The following PPP1R1C variants were observed in gnomAD, a reference collection of about 807,000 sequenced individuals.
PPP1R1C encodes protein phosphatase 1 regulatory inhibitor subunit 1C.
A neutral mutation model predicts 17.4 loss-of-function variants in PPP1R1C; 15 were observed. The ratio of observed to expected loss-of-function variants is 0.86; its 90% CI spans 0.58 to 1.33. PPP1R1C has a LOEUF of 1.33. Ranked by LOEUF, PPP1R1C falls within the 40% of genes most tolerant of loss-of-function variation. PPP1R1C has a pLI of 0.00. For missense variants in PPP1R1C, 143 were observed against 130.0 expected (o/e 1.10, Z -0.48); for synonymous variants, 35 against 43.1 (o/e 0.81, Z 0.73).
At chr2:182,072,111 T>G (rs1366503917) in intron 4 of PPP1R1C, among the ~76,000 whole-genome samples, 1 of 152,210 alleles carries the variant, frequency 6.6e-6, no homozygotes, top group Non-Finnish European at 1.5e-5. Flanking sequence ...CGTCCATTAA[T>G]GTAGGCGCTA....
upstream of PPP1R1C, among the ~76,000 whole-genome samples, chr2:181,981,285 T>C (rs1254392893): frequency 2.6e-5 from 4 of 152,330 alleles, no homozygotes; most frequent in Admixed American, 1.3e-4. Flanking sequence ...GAATGAATCA[T>C]TGATGTTTGC....
chr2:181,999,850 G>A (rs953709763), intron 2 of PPP1R1C, among the ~76,000 whole-genome samples: 29 of 151,152 alleles, frequency 1.9e-4, no homozygotes, highest in Non-Finnish European at 4.0e-4. Flanking sequence ...GATGAACCCC[G>A]TTTTTTATTC....
intron 1 of PPP1R1C, among the ~76,000 whole-genome samples, chr2:181,969,664 A>G (rs1227680274): frequency 6.6e-6 from 1 of 152,002 alleles, no homozygotes; most frequent in Non-Finnish European, 1.5e-5. Context: ...AGTTTTGGGA[A>G]ATTTTCTGTT....
In PPP1R1C at chr2:181,962,281, C is replaced by T. The variant is rs1684812973; in HGVS notation, n.111+7647C>T. On this transcript the variant is annotated intron_variant and non_coding_transcript_variant, in intron 1 of 5. Transcript: ENST00000464264. The surrounding 1 kb of genome is among the most constrained non-coding windows in gnomAD (Gnocchi z 6.0). Reference sequence around the variant, plus strand: ...CCATTCCTGCCAGACCCCCGGCCATCCCCGCGGCCAGGTCCCCGGACCCCA... The same window carrying T: ...CCATTCCTGCCAGACCCCCGGCCATTCCCGCGGCCAGGTCCCCGGACCCCA... The T allele has an allele frequency of 5.4e-6, 4 of 742,680 alleles. No individual in the cohort carries two copies. Among genetic ancestry groups the T allele is most frequent in the Admixed American group, 4.0e-5 (2 of 50,432 alleles). 46.0% of individuals were successfully genotyped at this position (742,680 alleles called of 1,614,324 possible).
chr2:182,066,523 C>T (rs190422096), intron 4 of PPP1R1C, among the ~76,000 whole-genome samples: 1 of 152,158 alleles, frequency 6.6e-6, no homozygotes, highest in African/African-American at 2.4e-5. Flanking sequence ...ATCATTAAAC[C>T]ATTTATCAAA....
At chr2:182,001,883 C>T (rs1399497701) in intron 2 of PPP1R1C, among the ~76,000 whole-genome samples, 1 of 152,072 alleles carries the variant, frequency 6.6e-6, no homozygotes, top group Non-Finnish European at 1.5e-5. Context: ...TCACCTTATA[C>T]ACAAGGAATC....
chr2:182,107,638 T>A (rs532536107), intron 4 of PPP1R1C, among the ~76,000 whole-genome samples: 1 of 152,270 alleles, frequency 6.6e-6, no homozygotes, highest in South Asian at 2.1e-4. Flanking sequence ...GAACCTCTGA[T>A]GGGCACTTAG....
At chr2:182,092,831 C>A (rs1688821383) in intron 4 of PPP1R1C, among the ~76,000 whole-genome samples, 1 of 152,188 alleles carries the variant, frequency 6.6e-6, no homozygotes, top group Non-Finnish European at 1.5e-5. Context: ...AGCTCTATCC[C>A]TGTGGCTTTG....
At chr2:182,036,028 C>G (rs556577050) in intron 2 of PPP1R1C, among the ~76,000 whole-genome samples, 3 of 152,206 alleles carry the variant, frequency 2.0e-5, no homozygotes, top group Admixed American at 2.0e-4. Context: ...TTTCCACATA[C>G]AGGGATTGTG....
At chr2:181,974,375 C>G (rs1251568539) in intron 1 of PPP1R1C, among the ~76,000 whole-genome samples, 1 of 152,096 alleles carries the variant, frequency 6.6e-6, no homozygotes, top group Non-Finnish European at 1.5e-5. Context: ...ATGAATTGAA[C>G]AGAAGATGCT....
intron 4 of PPP1R1C, among the ~76,000 whole-genome samples, chr2:182,104,617 A>G (rs1158088413): frequency 6.6e-6 from 1 of 152,160 alleles, no homozygotes; most frequent in African/African-American, 2.4e-5. Flanking sequence ...GTGATTTACT[A>G]GTATTTAGGA....
intron 1 of PPP1R1C, among the ~76,000 whole-genome samples, chr2:181,959,294 T>C (rs1048274140): frequency 1.3e-5 from 2 of 152,232 alleles, no homozygotes; most frequent in African/African-American, 2.4e-5. Context: ...AAATAACTAC[T>C]CTCCCCACAC....
intron 4 of PPP1R1C, among the ~76,000 whole-genome samples, chr2:182,116,128 A>G (rs972101295): frequency 6.6e-6 from 1 of 152,194 alleles, no homozygotes; most frequent in Non-Finnish European, 1.5e-5. Context: ...TTTGAAAAAA[A>G]TCTAAAGATA....
chr2:182,063,823 G>A (rs761305512), intron 4 of PPP1R1C, 32 bp downstream of exon 4: 2 of 1,573,334 alleles, frequency 1.3e-6, no homozygotes, highest in South Asian at 2.2e-5. Flanking sequence ...GGGTTGTCAT[G>A]AGTGGTGAAT....
chr2:182,010,691 A>G (rs1686064213), intron 2 of PPP1R1C, among the ~76,000 whole-genome samples: 1 of 151,892 alleles, frequency 6.6e-6, no homozygotes, highest in Admixed American at 6.6e-5. Context: ...GGTCGGCCTT[A>G]TTGTGTTTTA....
intron 2 of PPP1R1C, among the ~76,000 whole-genome samples, chr2:181,979,376 C>T (rs998789929): frequency 1.3e-5 from 2 of 152,180 alleles, no homozygotes; most frequent in Non-Finnish European, 2.9e-5. Context: ...ACTGCTATTA[C>T]TTTATTTGAG....
chr2:182,114,818 AG>A (rs1362673105), intron 4 of PPP1R1C, among the ~76,000 whole-genome samples: 5 of 152,170 alleles, frequency 3.3e-5, no homozygotes, highest in African/African-American at 1.2e-4. Flanking sequence ...ACTTTGAAAA[AG>A]GTTTGGCTTT....
At chr2:182,093,712 G>T (rs943052376) in intron 4 of PPP1R1C, among the ~76,000 whole-genome samples, 1 of 152,132 alleles carries the variant, frequency 6.6e-6, no homozygotes, top group African/African-American at 2.4e-5. Flanking sequence ...AAAGCAAAAT[G>T]CCACCAGTCC....
chr2:182,069,977 G>A (rs542494229), intron 4 of PPP1R1C, among the ~76,000 whole-genome samples: 2 of 152,304 alleles, frequency 1.3e-5, no homozygotes, highest in South Asian at 4.1e-4. Flanking sequence ...ATTAAAGTGG[G>A]GTGGATGCAG....
Sources: gnomAD v4.1 joint callset for allele counts (sites outside exome capture counted in the v4.1 genomes callset) on GRCh38, gnomAD v4.1.1 for gene constraint, Gnocchi (gnomAD v3.1) non-coding constraint, MANE v1.5 for transcripts, NCBI Gene and HGNC (gene_info 2026-07-23, HGNC 2026-07-21) for gene names.